The following PTPRJ variants were observed in gnomAD, a reference collection of about 807,000 sequenced individuals.
The protein encoded by PTPRJ is protein tyrosine phosphatase receptor type J.
A neutral mutation model predicts 141.3 loss-of-function variants in PTPRJ; 129 were observed. The observed-to-expected ratio is 0.91, with a 90% confidence interval of 0.79 to 1.06. The LOEUF is 1.06. Ranked by LOEUF, PTPRJ falls within the 50% of genes least tolerant of loss-of-function variation. The pLI is 0.00. For synonymous variants in PTPRJ, 610 were observed against 640.5 expected (o/e 0.95, Z 0.72); for missense variants, 1,601 against 1,679.7 (o/e 0.95, Z 0.82).
chr11:48,135,132 C>A (rs1457195197), intron 8 of PTPRJ, among the ~76,000 whole-genome samples: 1 of 149,776 alleles, frequency 6.7e-6, no homozygotes, highest in Non-Finnish European at 1.5e-5. Context: ...TATAAAAAAA[C>A]TGAATGTGAT....
chr11:48,034,369 A>G (rs1465862531), intron 1 of PTPRJ, among the ~76,000 whole-genome samples: 2 of 152,204 alleles, frequency 1.3e-5, no homozygotes, highest in South Asian at 4.1e-4. Flanking sequence ...TTTAGGTCTC[A>G]GTTTTACATC....
chr11:47,993,049 G>T (rs1287647557), intron 1 of PTPRJ, among the ~76,000 whole-genome samples: 3 of 152,140 alleles, frequency 2.0e-5, no homozygotes, highest in Non-Finnish European at 4.4e-5. Context: ...TGCATTGTCA[G>T]TGTCTCTATG....
At chr11:47,984,847 C>T (rs1854006588) in intron 1 of PTPRJ, among the ~76,000 whole-genome samples, 1 of 151,344 alleles carries the variant, frequency 6.6e-6, no homozygotes, top group Non-Finnish European at 1.5e-5. Context: ...GCGTGAGCCA[C>T]TGTGCCCGGC....
chr11:48,033,992 G>A (rs150475147), intron 1 of PTPRJ, among the ~76,000 whole-genome samples: 276 of 152,332 alleles, frequency 1.8e-3, no homozygotes, highest in African/African-American at 6.4e-3. Context: ...TGAGGAACAG[G>A]AACTTACAAG....
chr11:48,143,014 A>C lies in PTPRJ; in HGVS notation c.2539A>C (p.Ile847Leu). Reference sequence around the variant, plus strand: ...TGGATTTGAAGCCAGCCACGGACCCATCAAAGCCTATGCTGTCATTCTCAC... The same window carrying C: ...TGGATTTGAAGCCAGCCACGGACCCCTCAAAGCCTATGCTGTCATTCTCAC... ...FSGFEASHGP[I>L]KAYAVILTTG... is the part of the protein sequence containing the mutation. Residue 847 changes from isoleucine (I) to leucine (L), a missense_variant, in exon 12 of 25, where the codon ATC (isoleucine) becomes CTC (leucine). Physicochemically the swap from Ile to Leu is conservative, Grantham distance 5 (BLOSUM62 2). Coordinates refer to ENST00000418331, the MANE Select transcript of PTPRJ (RefSeq NM_002843.4). 1.2e-6 allele frequency: 2 copies of C among 1,614,206 alleles called. No individual in the cohort carries two copies. The highest frequency in any genetic ancestry group is 1.6e-4 in the Middle Eastern group (1 of 6,062).
chr11:48,152,556 T>C (rs1857510341), intron 18 of PTPRJ, among the ~76,000 whole-genome samples: 1 of 152,254 alleles, frequency 6.6e-6, no homozygotes, highest in African/African-American at 2.4e-5. Context: ...GCCTAGGTTT[T>C]CTTCTAGGGT....
At chr11:48,096,226 G>A (rs551478591) in intron 1 of PTPRJ, among the ~76,000 whole-genome samples, 2 of 152,310 alleles carry the variant, frequency 1.3e-5, no homozygotes, top group South Asian at 4.1e-4. Context: ...GTGCTGTGTG[G>A]ACAGATGATG....
At chr11:48,041,600 G>C (rs1310674383) in intron 1 of PTPRJ, among the ~76,000 whole-genome samples, 1 of 152,104 alleles carries the variant, frequency 6.6e-6, no homozygotes, top group Non-Finnish European at 1.5e-5. Flanking sequence ...TGAGACTCAG[G>C]GAAATATGAC....
intron 1 of PTPRJ, among the ~76,000 whole-genome samples, chr11:48,106,763 C>CTTTTTTTTTTTTTTTTT (rs35643138): frequency 1.2e-5 from 1 of 86,442 alleles, no homozygotes; most frequent in African/African-American, 4.4e-5. Context: ...TTCTTTCTTT[C>CTTTTTTTTTTTTTTTTT]TTTTTTTTTT....
chr11:48,090,408 C>T (rs567157159), intron 1 of PTPRJ, among the ~76,000 whole-genome samples: 34 of 152,310 alleles, frequency 2.2e-4, no homozygotes, highest in African/African-American at 8.2e-4. Context: ...TGACAGAGCC[C>T]GGTGGCTGGT....
chr11:48,162,013 T>A (rs17198985), intron 22 of PTPRJ, among the ~76,000 whole-genome samples: 6 of 152,012 alleles, frequency 3.9e-5, no homozygotes. Flanking sequence ...GAATTTAGGA[T>A]GGAGTTGTCC....
At chr11:48,033,845 C>T (rs1412548788) in intron 1 of PTPRJ, among the ~76,000 whole-genome samples, 4 of 152,162 alleles carry the variant, frequency 2.6e-5, no homozygotes, top group Admixed American at 6.6e-5. Context: ...AGACACCTAC[C>T]GGAAGTCTTT....
intron 1 of PTPRJ, among the ~76,000 whole-genome samples, chr11:48,055,567 C>CATTCTCAGAAG (rs1854731146): frequency 6.6e-6 from 1 of 152,202 alleles, no homozygotes; most frequent in South Asian, 2.1e-4. Flanking sequence ...AGCAGTGCCA[C>CATTCTCAGAAG]CCTCTACTCC....
At chr11:48,131,632 C>T (rs1437734433) in intron 8 of PTPRJ, 2 of 719,616 alleles carry the variant, frequency 2.8e-6, no homozygotes, top group Admixed American at 3.9e-5. Flanking sequence ...TGGATCACAG[C>T]CATGTTCATT....
intron 1 of PTPRJ, among the ~76,000 whole-genome samples, chr11:48,031,786 G>A (rs1472107906): frequency 6.6e-6 from 1 of 152,170 alleles, no homozygotes; most frequent in Non-Finnish European, 1.5e-5. Flanking sequence ...TGTGACTTAA[G>A]CATGTAATTT....
In PTPRJ at chr11:48,168,986, A is replaced by T. The variant is rs1857992115; in HGVS notation, c.*1624A>T. The T allele has an allele frequency of 6.6e-6, 1 of 152,008 alleles. No individual in the cohort carries two copies. The highest frequency in any genetic ancestry group is 2.4e-5 in the African/African-American group (1 of 41,390). 9.4% of individuals were successfully genotyped at this position (152,008 alleles called of 1,614,324 possible). A position where few individuals can be genotyped will look rare whatever the true frequency, so the allele number is the denominator to read the frequency against. ...TTGCCACAGTAATGTGTCCTGCTGT[A>T]AACAGGACAGGTGTGTCCTGTTGAG... On this transcript the variant is annotated 3_prime_UTR_variant, in exon 25 of 25. Coordinates refer to ENST00000418331, the MANE Select transcript of PTPRJ (RefSeq NM_002843.4).
chr11:48,156,020 A>C lies in PTPRJ; in HGVS notation c.3339A>C (p.Gln1113His). 5 of 1,609,130 alleles carry C rather than the reference A, an allele frequency of 3.1e-6. No homozygotes were observed. Among genetic ancestry groups the C allele is most frequent in the Non-Finnish European group, 4.3e-6 (5 of 1,175,436 alleles). ...YHSKKDFIAT[Q>H]GPLPNTLKDF... ...CCAAGAAAGATTTTATTGCCACACA[A>C]GGACCTTTACCGAACACTTTGAAAG... The change falls in exon 21 of 25, where the codon CAA becomes CAC. Residue 1113 changes from glutamine (Q) to histidine (H), a missense_variant. Transcript: ENST00000418331.
At chr11:48,097,626 C>T (rs1256206995) in intron 1 of PTPRJ, among the ~76,000 whole-genome samples, 3 of 151,988 alleles carry the variant, frequency 2.0e-5, no homozygotes, top group East Asian at 3.9e-4. Flanking sequence ...CAACCTCCGC[C>T]TCCCGGGTTC....
chr11:48,149,926 C>A, intron 16 of PTPRJ, 64 bp from the exon 17 acceptor site: 2 of 1,271,152 alleles, frequency 1.6e-6, no homozygotes, highest in South Asian at 2.7e-5. Flanking sequence ...TGTTTACTGT[C>A]ATTTCTAGAG....
Sources: gnomAD v4.1 joint callset for allele counts (sites outside exome capture counted in the v4.1 genomes callset) on GRCh38, gnomAD v4.1.1 for gene constraint, MANE v1.5 for transcripts, NCBI Gene and HGNC (gene_info 2026-07-23, HGNC 2026-07-21) for gene names.